The following TBL1XR1 variants were observed in gnomAD, a reference collection of about 807,000 sequenced individuals.
TBL1XR1 encodes F-box-like/WD repeat-containing protein TBL1XR1.
TBL1XR1 carries 5 observed loss-of-function variants against 66.9 expected under a neutral mutation model. The ratio of observed to expected loss-of-function variants is 0.07; its 90% CI spans 0.04 to 0.16. The LOEUF (loss-of-function observed/expected upper bound fraction) is 0.16. TBL1XR1 is among the 10% of genes least tolerant of loss of function. The pLI is 1.00. For missense variants in TBL1XR1, 238 were observed against 623.2 expected (o/e 0.38, Z 6.58); for synonymous variants, 210 against 206.0 (o/e 1.02, Z -0.17).
chr3:177,038,113 G>A lies in TBL1XR1; in HGVS notation c.1107C>T (p.Asp369=), dbSNP rs755923382. Residue 369 remains aspartate, a synonymous_variant, in exon 12 of 16, where the codon GAC becomes GAT. Coordinates refer to ENST00000457928, the MANE Select transcript of TBL1XR1 (RefSeq NM_024665.7). ...PTGNLLASCS[D]DMTLKIWSMK... is the part of the protein sequence containing the mutation. ...AGCAAATTACCTTTAAAGTCATGTC[G>A]TCAGAACAGGAGGCCAAGAGATTGC... 1.6e-5 allele frequency: 25 copies of A among 1,612,298 alleles called. No individual in the cohort carries two copies. The highest frequency in any genetic ancestry group is 2.0e-4 in the Middle Eastern group (1 of 5,048).
chr3:177,172,854 TTTC>T, intron 1 of TBL1XR1, among the ~76,000 whole-genome samples: 1 of 151,572 alleles, frequency 6.6e-6, no homozygotes, highest in East Asian at 2.0e-4. Context: ...CCCCAAAGTA[TTTC>T]TTAATTACCA....
chr3:177,161,276 G>A (rs546627840), intron 1 of TBL1XR1, among the ~76,000 whole-genome samples: 1 of 152,088 alleles, frequency 6.6e-6, no homozygotes, highest in South Asian at 2.1e-4. Flanking sequence ...GTTTCTTTTA[G>A]CTAGTTTACA....
chr3:177,079,466 A>T (rs944129128), intron 2 of TBL1XR1: 1 of 151,538 alleles, frequency 6.6e-6, no homozygotes, highest in Non-Finnish European at 1.5e-5. Context: ...CTAGTATTAT[A>T]GCTGCTTAGA....
chr3:177,122,642 G>A (rs1727114437), intron 1 of TBL1XR1, among the ~76,000 whole-genome samples: 3 of 152,110 alleles, frequency 2.0e-5, no homozygotes, highest in Admixed American at 2.0e-4. Flanking sequence ...GTGAGGAAAA[G>A]CAGAGTTCTT....
chr3:177,182,697 T>G lies in TBL1XR1; in HGVS notation c.-122+14424A>C, dbSNP rs564027729. ...AATAACTCTCAATCAAGGAGAGGCCTGTGCTAGAAACACATGACTAGTGGT... is the reference window on the plus strand; with the variant it reads ...AATAACTCTCAATCAAGGAGAGGCCGGTGCTAGAAACACATGACTAGTGGT... On this transcript the variant is annotated intron_variant, in intron 1 of 15. Coordinates refer to ENST00000457928, the MANE Select transcript of TBL1XR1 (RefSeq NM_024665.7). 3.9e-5 allele frequency among the ~76,000 whole-genome samples: 6 copies of G among 152,322 alleles called. No individual in the cohort carries two copies. In the South Asian group the frequency reaches 1.2e-3, roughly 32 times the overall value.
chr3:177,176,438 C>T (rs1170396945), intron 1 of TBL1XR1, among the ~76,000 whole-genome samples: 2 of 149,338 alleles, frequency 1.3e-5, no homozygotes, highest in African/African-American at 4.9e-5. Flanking sequence ...CTCAGATGAT[C>T]CACCCACCTC....
At chr3:177,051,805 G>A (rs1286914540) in intron 4 of TBL1XR1, 79 bp from the exon 5 acceptor site, 2 of 1,333,752 alleles carry the variant, frequency 1.5e-6, no homozygotes, top group Non-Finnish European at 1.9e-6. Context: ...AATCAGAAAT[G>A]AAATGAAAAT....
chr3:177,133,338 G>A (rs896127006), intron 1 of TBL1XR1, among the ~76,000 whole-genome samples: 2 of 151,976 alleles, frequency 1.3e-5, no homozygotes, highest in Admixed American at 1.3e-4. Context: ...CACAATCCTT[G>A]GATTGACATT....
chr3:177,103,822 A>T (rs1269163023), intron 1 of TBL1XR1, among the ~76,000 whole-genome samples: 1 of 152,214 alleles, frequency 6.6e-6, no homozygotes, highest in Admixed American at 6.5e-5. Flanking sequence ...AATGTACAGA[A>T]TTTGGGAAAG....
At chr3:177,193,647 C>A (rs1736452607) in intron 1 of TBL1XR1, among the ~76,000 whole-genome samples, 1 of 152,170 alleles carries the variant, frequency 6.6e-6, no homozygotes, top group South Asian at 2.1e-4. Context: ...GAATTCAGCA[C>A]AATGATATGA....
Position 177,079,566 on chromosome 3 carries a change from G to A in TBL1XR1, c.-45-14544C>T, listed in dbSNP as rs1721144873. On this transcript the variant is annotated intron_variant, in intron 2 of 15. Transcript: ENST00000457928. ...TTCCTGTTATAAATTTTAATCGACT[G>A]TTGCTACAGTGCGTGATAAAGTGGC... The A allele has an allele frequency of 1.3e-5, 2 of 151,838 alleles. 1 individual carries two copies. The highest frequency in any genetic ancestry group is 4.2e-4 in the South Asian group (2 of 4,814). 9.4% of individuals were successfully genotyped at this position (151,838 alleles called of 1,614,324 possible).
intron 3 of TBL1XR1, among the ~76,000 whole-genome samples, chr3:177,055,382 G>T (rs1263184501): frequency 1.3e-5 from 2 of 152,044 alleles, no homozygotes; most frequent in Non-Finnish European, 2.9e-5. Flanking sequence ...AACTCATTAT[G>T]CTCACAACAT....
chr3:177,038,556 T>A, intron 10 of TBL1XR1, 122 bp from the exon 11 acceptor site: 1 of 962,274 alleles, frequency 1.0e-6, no homozygotes, highest in East Asian at 2.9e-5. Flanking sequence ...TTTTACTTTA[T>A]ACTTTTTAAG....
chr3:177,036,627 G>A (rs969559694), intron 12 of TBL1XR1, among the ~76,000 whole-genome samples: 2 of 152,046 alleles, frequency 1.3e-5, no homozygotes, highest in Admixed American at 6.5e-5. Context: ...GCATTAATAC[G>A]TGTGCACATA....
chr3:177,168,271 ACGG>A (rs1733059901), intron 1 of TBL1XR1, among the ~76,000 whole-genome samples: 1 of 141,912 alleles, frequency 7.0e-6, no homozygotes, highest in Non-Finnish European at 1.5e-5. Context: ...GGAAGAAAAC[ACGG>A]AAATAAACCT....
intron 6 of TBL1XR1, 25 bp downstream of exon 6, chr3:177,050,453 T>C (rs1165864070): frequency 6.2e-7 from 1 of 1,611,486 alleles, no homozygotes; most frequent in Non-Finnish European, 8.5e-7. Flanking sequence ...TTTAAGTCAT[T>C]TTAGTATCAC....
intron 1 of TBL1XR1, chr3:177,126,224 C>T (rs558414148): frequency 5.3e-5 from 8 of 152,206 alleles, no homozygotes; most frequent in Non-Finnish European, 1.0e-4. Flanking sequence ...CTTTCTGACT[C>T]AACGGCTAGA....
intron 2 of TBL1XR1, among the ~76,000 whole-genome samples, chr3:177,077,043 G>C (rs1018797610): frequency 1.4e-4 from 22 of 152,158 alleles, no homozygotes; most frequent in African/African-American, 5.1e-4. Context: ...ATCCAAATGA[G>C]CAGACAACTG....
At chr3:177,185,688 AT>A (rs760076704) in intron 1 of TBL1XR1, among the ~76,000 whole-genome samples, 7 of 152,264 alleles carry the variant, frequency 4.6e-5, no homozygotes, top group South Asian at 4.1e-4. Flanking sequence ...TAACAAAAAA[AT>A]CAAACACCAA....
Sources: gnomAD v4.1 joint callset for allele counts (sites outside exome capture counted in the v4.1 genomes callset) on GRCh38, gnomAD v4.1.1 for gene constraint, MANE v1.5 for transcripts, NCBI Gene and HGNC (gene_info 2026-07-23, HGNC 2026-07-21) for gene names.